Variants in TGFBR3 observed in about 807,000 individuals in gnomAD.
TGFBR3 encodes the protein transforming growth factor beta receptor 3, also known as transforming growth factor beta receptor type 3.
Under a neutral mutation model 87.9 loss-of-function variants are expected in TGFBR3, and 46 were observed. The observed-to-expected ratio is 0.52, with a 90% CI of 0.41 to 0.67. The LOEUF (loss-of-function observed/expected upper bound fraction) is 0.67, where lower values mean the gene tolerates loss of function less well. TGFBR3 is among the 30% of genes least tolerant of loss of function. The probability of loss-of-function intolerance (pLI) is 0.00; values close to 1 mark genes in which losing one functional copy is unlikely to be tolerated. For synonymous variants in TGFBR3, 381 were observed against 391.6 expected (o/e 0.97, Z 0.32); for missense variants, 866 against 1,041.9 (o/e 0.83, Z 2.32).
chr1:91,830,414 C>T (rs371697608), intron 2 of TGFBR3, among the ~76,000 whole-genome samples: 4 of 152,152 alleles, frequency 2.6e-5, no homozygotes, highest in Non-Finnish European at 5.9e-5. Flanking sequence ...GCTCTGTCCA[C>T]GGTATGGATG....
intron 1 of TGFBR3, among the ~76,000 whole-genome samples, chr1:91,875,239 A>G (rs544801145): frequency 6.6e-6 from 1 of 152,284 alleles, no homozygotes; most frequent in South Asian, 2.1e-4. Context: ...ATGAAGCCCC[A>G]CTGGAGGAGC....
At position 91,898,541 on chromosome 1, in the gene TGFBR3, A is replaced by G. The variant is rs1188271636; in HGVS notation, c.-114+1096T>C. Among the ~76,000 whole-genome samples, 2 of 151,938 alleles carry G rather than the reference A, an allele frequency of 1.3e-5. 1 individual carries two copies. Among genetic ancestry groups the G allele is most frequent in the East Asian group, 3.9e-4 (2 of 5,192 alleles). ...AAGCTCCGCCTCCCGGGTTCACGCC[A>G]TTCTCCTGCCTCAGCCTCCTGAGTA... On this transcript the variant is annotated intron_variant, in intron 2 of 17. Transcript: ENST00000370399.
At chr1:91,758,272 G>A (rs762698754) in intron 4 of TGFBR3, among the ~76,000 whole-genome samples, 5 of 152,014 alleles carry the variant, frequency 3.3e-5, no homozygotes, top group African/African-American at 4.8e-5. Context: ...CCACACACCC[G>A]GTAGCCAGTT....
intron 1 of TGFBR3, among the ~76,000 whole-genome samples, chr1:91,878,004 T>C (rs1235562742): frequency 6.6e-6 from 1 of 152,234 alleles, no homozygotes; most frequent in Non-Finnish European, 1.5e-5. Context: ...GACCTTACGC[T>C]GCAATGATGC....
chr1:91,805,974 A>C (rs1485745898), intron 2 of TGFBR3, among the ~76,000 whole-genome samples: 1 of 152,208 alleles, frequency 6.6e-6, no homozygotes, highest in Non-Finnish European at 1.5e-5. Context: ...TGTACTTTCC[A>C]GTTCCTCGCC....
intron 2 of TGFBR3, among the ~76,000 whole-genome samples, chr1:91,847,738 T>C (rs1261526214): frequency 6.6e-6 from 1 of 151,996 alleles, no homozygotes; most frequent in Non-Finnish European, 1.5e-5. Flanking sequence ...CCACCCTCGC[T>C]AACCCACCTA....
At chr1:91,750,294 C>A (rs1170745030) in intron 4 of TGFBR3, among the ~76,000 whole-genome samples, 1 of 152,182 alleles carries the variant, frequency 6.6e-6, no homozygotes, top group Non-Finnish European at 1.5e-5. Flanking sequence ...AGAATAAATC[C>A]CAGGGAGTCT....
chr1:91,722,706 C>A (rs11466590), intron 7 of TGFBR3, among the ~76,000 whole-genome samples: 163 of 152,326 alleles, frequency 1.1e-3, no homozygotes, highest in African/African-American at 3.5e-3. Flanking sequence ...TGCACTTACA[C>A]AAACCTACAT....
At chr1:91,809,782 C>CTAGCTAGCCTGCTGCTTCAGGT (rs1553169026) in intron 2 of TGFBR3, among the ~76,000 whole-genome samples, 10 of 152,184 alleles carry the variant, frequency 6.6e-5, no homozygotes, top group African/African-American at 1.9e-4. Context: ...CCTCTTCAGG[C>CTAGCTAGCCTGCTGCTTCAGGT]TAGCTAGCCT....
chr1:91,794,612 T>A (rs879425718), intron 3 of TGFBR3, among the ~76,000 whole-genome samples: 7 of 152,222 alleles, frequency 4.6e-5, no homozygotes, highest in Admixed American at 4.6e-4. Context: ...AATTTCTGTA[T>A]CCTGAACATT....
intron 2 of TGFBR3, among the ~76,000 whole-genome samples, chr1:91,845,311 A>T (rs1677429171): frequency 6.6e-6 from 1 of 152,244 alleles, no homozygotes; most frequent in African/African-American, 2.4e-5. Context: ...AGGACAAGAA[A>T]AAGACGCTGA....
chr1:91,742,591 T>C (rs530285728), intron 4 of TGFBR3, among the ~76,000 whole-genome samples: 10 of 152,314 alleles, frequency 6.6e-5, no homozygotes, highest in African/African-American at 2.2e-4. Context: ...CACAACCCAA[T>C]GAACTTTCCT....
At chr1:91,823,578 T>C (rs1676528367) in intron 2 of TGFBR3, among the ~76,000 whole-genome samples, 1 of 152,212 alleles carries the variant, frequency 6.6e-6, no homozygotes. Context: ...AACTTGGCTG[T>C]TGATTCTCAA....
Position 91,683,267 on chromosome 1 carries a change from A to C in TGFBR3, c.*472T>G. 2.2e-6 allele frequency: 1 copy of C among 455,554 alleles called. No homozygotes were observed. Among genetic ancestry groups the C allele is most frequent in the Non-Finnish European group, 4.4e-6 (1 of 227,532 alleles). The allele number at this position is 455,554 out of a possible 1,614,324, so 28.2% of individuals were successfully genotyped here. On this transcript the variant is annotated 3_prime_UTR_variant, in exon 17 of 17. Transcript: ENST00000212355. ...CAGGAGGATCGCTTAGAAAGCCTCA[A>C]AGCATTTCTTGTTTTACATCTTGGT...
intron 1 of TGFBR3, among the ~76,000 whole-genome samples, chr1:91,884,319 C>CAA (rs368144492): frequency 0.024 from 2,829 of 119,184 alleles, 85 homozygotes; most frequent in African/African-American, 0.08. Context: ...ACTCTGTCAC[C>CAA]AAAAAAAAAA....
intron 5 of TGFBR3, among the ~76,000 whole-genome samples, chr1:91,734,013 C>A (rs1334513505): frequency 1.9e-5 from 2 of 107,090 alleles, no homozygotes; most frequent in Non-Finnish European, 3.4e-5. Context: ...CCAGCCTGGG[C>A]AACAGAGCAA....
At chr1:91,866,690 A>G (rs548888262) in intron 1 of TGFBR3, 8 of 152,350 alleles carry the variant, frequency 5.3e-5, no homozygotes, top group African/African-American at 1.7e-4. Flanking sequence ...TGAGATAAAC[A>G]GACAATAATC....
chr1:91,717,874 C>CTTT (rs56325630), intron 10 of TGFBR3, among the ~76,000 whole-genome samples: 5 of 146,318 alleles, frequency 3.4e-5, no homozygotes, highest in East Asian at 2.0e-4. Context: ...AAGCAACTGA[C>CTTT]TTTTTTTTTT....
At chr1:91,867,172 A>G (rs1678419379) in intron 1 of TGFBR3, among the ~76,000 whole-genome samples, 1 of 152,258 alleles carries the variant, frequency 6.6e-6, no homozygotes, top group Admixed American at 6.5e-5. Flanking sequence ...TGTTTCTACC[A>G]AAGAGATTTA....
Sources: allele counts gnomAD v4.1 joint callset (sites outside exome capture counted in the v4.1 genomes callset), GRCh38; gene constraint gnomAD v4.1.1; transcripts MANE v1.5; gene names NCBI Gene and HGNC (gene_info 2026-07-23, HGNC 2026-07-21).